Variants in KSR2 observed in about 807,000 individuals in gnomAD.
KSR2 encodes the protein kinase suppressor of ras 2.
Under a neutral mutation model 107.8 loss-of-function variants are expected in KSR2, and 25 were observed. That is an observed-to-expected ratio of 0.23 (90% CI 0.17 to 0.32). The LOEUF (loss-of-function observed/expected upper bound fraction) is 0.32, where lower values mean the gene tolerates loss of function less well. KSR2 is among the 10% of genes least tolerant of loss of function. The pLI is 1.00. For missense variants in KSR2, 887 were observed against 1,268.9 expected, an observed-to-expected ratio of 0.70 and a Z score of 4.57; for synonymous variants, 480 against 507.0, an observed-to-expected ratio of 0.95 and a Z score of 0.71.
chr12:117,733,073 AAG>A (rs1565985449), intron 4 of KSR2, among the ~76,000 whole-genome samples: 1 of 152,162 alleles, frequency 6.6e-6, no homozygotes, highest in South Asian at 2.1e-4. Flanking sequence ...AATAGGAAGA[AAG>A]GGGCTCAGAG....
intron 5 of KSR2, among the ~76,000 whole-genome samples, chr12:117,642,861 G>A (rs1016000057): frequency 1.1e-4 from 16 of 152,138 alleles, no homozygotes. Context: ...GTGTCTCAGG[G>A]GCCACTGTTG....
At chr12:117,478,488 G>C (rs1345340347) in intron 16 of KSR2, among the ~76,000 whole-genome samples, 3 of 151,938 alleles carry the variant, frequency 2.0e-5, no homozygotes, top group Admixed American at 1.3e-4. Flanking sequence ...AGGCTGAAGT[G>C]CAGAGGTGAG....
At chr12:117,802,047 T>C (rs1321682221) in intron 3 of KSR2, among the ~76,000 whole-genome samples, 1 of 152,136 alleles carries the variant, frequency 6.6e-6, no homozygotes, top group Non-Finnish European at 1.5e-5. Context: ...ACAACACACA[T>C]TCATTATCTT....
At chr12:117,552,002 T>C (rs1380684523) in intron 9 of KSR2, among the ~76,000 whole-genome samples, 1 of 152,084 alleles carries the variant, frequency 6.6e-6, no homozygotes, top group East Asian at 1.9e-4. Flanking sequence ...CCTCAAAATG[T>C]CACAAAGGAA....
chr12:117,841,953 C>G (rs1230271803), intron 3 of KSR2, among the ~76,000 whole-genome samples: 1 of 152,268 alleles, frequency 6.6e-6, no homozygotes, highest in Admixed American at 6.5e-5. Context: ...TCATCAACCA[C>G]TAGCATTCAC....
chr12:117,778,587 C>A (rs1329318453), intron 3 of KSR2, among the ~76,000 whole-genome samples: 1 of 152,186 alleles, frequency 6.6e-6, no homozygotes, highest in Non-Finnish European at 1.5e-5. Context: ...GGTGGAAGGT[C>A]GTCCTTATCT....
chr12:117,833,434 C>T (rs763968931), intron 3 of KSR2, among the ~76,000 whole-genome samples: 1 of 152,138 alleles, frequency 6.6e-6, no homozygotes, highest in African/African-American at 2.4e-5. Context: ...ATGATCATAG[C>T]TCACTGCAGC....
intron 5 of KSR2, among the ~76,000 whole-genome samples, chr12:117,614,145 G>T (rs1342615726): frequency 6.6e-6 from 1 of 152,128 alleles, no homozygotes; most frequent in East Asian, 1.9e-4. Flanking sequence ...AGTGGTAGGT[G>T]ATAATAAGCA....
At chr12:117,744,884 C>G (rs548348363) in intron 4 of KSR2, among the ~76,000 whole-genome samples, 1 of 152,224 alleles carries the variant, frequency 6.6e-6, no homozygotes, top group Non-Finnish European at 1.5e-5. Flanking sequence ...CTACCAGTAA[C>G]CAAGGTTATA....
chr12:117,476,329 A>C, intron 17 of KSR2, 135 bp downstream of exon 17: 1 of 1,094,324 alleles, frequency 9.1e-7, no homozygotes, highest in Non-Finnish European at 1.2e-6. Context: ...AGGTTCCTCC[A>C]TTCTCACCCA....
intron 4 of KSR2, among the ~76,000 whole-genome samples, chr12:117,730,479 TCGTCTCCCCTCTCC>T (rs1203013261): frequency 6.7e-6 from 1 of 148,266 alleles, no homozygotes; most frequent in African/African-American, 2.5e-5. Flanking sequence ...CCCCTCTCCC[TCGTCTCCCCTCTCC>T]CTCTCCCCCT....
At chr12:117,939,944 A>ACACAC (rs1895958310) in intron 1 of KSR2, among the ~76,000 whole-genome samples, 2 of 140,070 alleles carry the variant, frequency 1.4e-5, no homozygotes, top group African/African-American at 2.7e-5. Flanking sequence ...CCATCTTAAA[A>ACACAC]ACACACACAC....
intron 3 of KSR2, among the ~76,000 whole-genome samples, chr12:117,774,130 CT>C (rs2136923290): frequency 6.6e-6 from 1 of 152,262 alleles, no homozygotes; most frequent in East Asian, 1.9e-4. Context: ...CCAGAAAGCC[CT>C]TGGAAAGCTG....
chr12:117,685,366 A>C (rs1431056048), intron 4 of KSR2, among the ~76,000 whole-genome samples: 1 of 152,166 alleles, frequency 6.6e-6, no homozygotes, highest in South Asian at 2.1e-4. Context: ...AAAAAGGATG[A>C]CTGATTTTGG....
intron 5 of KSR2, among the ~76,000 whole-genome samples, chr12:117,587,279 C>A (rs530062296): frequency 6.6e-6 from 1 of 152,068 alleles, no homozygotes; most frequent in African/African-American, 2.4e-5. Context: ...CCCTGGATTA[C>A]GCGGGTGGAA....
At chr12:117,735,019 C>A (rs1887887447) in intron 4 of KSR2, among the ~76,000 whole-genome samples, 1 of 152,172 alleles carries the variant, frequency 6.6e-6, no homozygotes, top group Non-Finnish European at 1.5e-5. Context: ...GTTTCTGGGG[C>A]CTCAGCTGTC....
At chr12:117,589,925 G>A (rs1880221472) in intron 5 of KSR2, among the ~76,000 whole-genome samples, 1 of 152,168 alleles carries the variant, frequency 6.6e-6, no homozygotes, top group Admixed American at 6.5e-5. Context: ...GATGGCTATG[G>A]AGGCTTCCCT....
At position 117,761,286 on chromosome 12, in the gene KSR2, C is replaced by T. The variant is rs749850024; in HGVS notation, c.711G>A (p.Pro237=). ...GGTGGCCCGACTCCAGTGGCGGGGG[C>T]GGGCACAAGCCCGGGTAGGCGTCCA... The part of the protein sequence containing the change: ...LTVDAYPGLC[P]PPPLESGHRS... The change falls in exon 4 of 20, where the codon CCG becomes CCA. Residue 237 remains proline, a synonymous_variant. Coordinates refer to ENST00000339824, the MANE Select transcript of KSR2 (RefSeq NM_173598.6). 15 of 1,512,952 alleles carry T rather than the reference C, an allele frequency of 9.9e-6. No individual in the cohort carries two copies. In the East Asian group the frequency reaches 1.4e-4, roughly 14 times the overall value. The allele number at this position is 1,512,952 out of a possible 1,614,324, so 93.7% of individuals were successfully genotyped here.
At chr12:117,529,507 C>A (rs371665123) in intron 12 of KSR2, among the ~76,000 whole-genome samples, 3 of 151,794 alleles carry the variant, frequency 2.0e-5, no homozygotes, top group East Asian at 3.9e-4. Flanking sequence ...TGAGCCACTG[C>A]GCCTGGCCAA....
Sources: allele counts gnomAD v4.1 joint callset (sites outside exome capture counted in the v4.1 genomes callset), GRCh38; gene constraint gnomAD v4.1.1; transcripts MANE v1.5; gene names NCBI Gene and HGNC (gene_info 2026-07-23, HGNC 2026-07-21).